Variants in ZC2HC1B observed in about 807,000 individuals in gnomAD.
ZC2HC1B encodes zinc finger C2HC domain-containing protein 1B.
ZC2HC1B carries 36 observed loss-of-function variants against 31.0 expected under a neutral mutation model. That is an observed-to-expected ratio of 1.16 (90% CI 0.89 to 1.54). The LOEUF (loss-of-function observed/expected upper bound fraction) is 1.54, where lower values mean the gene tolerates loss of function less well. Among genes scored for constraint, ZC2HC1B ranks in the 40% most tolerant of loss-of-function variants. The pLI is 0.00. For missense variants in ZC2HC1B, 260 were observed against 268.6 expected, an observed-to-expected ratio of 0.97 and a Z score of 0.22; for synonymous variants, 73 against 88.0, an observed-to-expected ratio of 0.83 and a Z score of 0.95.
rs146547334 is a variant in ZC2HC1B at position 143,870,357 on chromosome 6, C to T, written c.28+5790C>T. On this transcript the variant is annotated intron_variant, in intron 1 of 7. Coordinates refer to ENST00000237275, the MANE Select transcript of ZC2HC1B (RefSeq NM_001013623.3). This position sits in a 1 kb window ranked among gnomAD's most constrained non-coding sequence, Gnocchi z 4.7. ...TGCAGAACCATCTGTGAACCGGGCT[C>T]TAGTCTTCTCTTTTTCTGTCAACTG... is the stretch of plus-strand genomic sequence containing the variant. 2.4e-3 allele frequency among the ~76,000 whole-genome samples: 359 copies of T among 152,238 alleles called. 2 individuals carry two copies. The highest frequency in any genetic ancestry group is 8.3e-3 in the African/African-American group (344 of 41,524).
chr6:143,882,655 G>A (rs1358814293), intron 1 of ZC2HC1B, among the ~76,000 whole-genome samples: 2 of 151,528 alleles, frequency 1.3e-5, no homozygotes, highest in African/African-American at 4.9e-5. Flanking sequence ...TTTCCCTAAG[G>A]ATCATCTCTG....
chr6:143,865,323 A>T lies in ZC2HC1B; in HGVS notation c.28+756A>T, dbSNP rs771759023. On this transcript the variant is annotated intron_variant, in intron 1 of 7. Transcript: ENST00000237275. This position sits in a 1 kb window ranked among gnomAD's most constrained non-coding sequence, Gnocchi z 4.4. Reference sequence around the variant, plus strand: ...GGCAGGATAGGTGCAGCGAAATGTAACTGGCAATACTATCGTGGTAAGTAC... The same window carrying T: ...GGCAGGATAGGTGCAGCGAAATGTATCTGGCAATACTATCGTGGTAAGTAC... Among the ~76,000 whole-genome samples the T allele has an allele frequency of 5.3e-5, 8 of 152,172 alleles. No homozygotes were observed. The highest frequency in any genetic ancestry group is 8.8e-5 in the Non-Finnish European group (6 of 68,030).
chr6:143,872,471 G>C lies in ZC2HC1B; in HGVS notation c.28+7904G>C, dbSNP rs975820352. The stretch of plus-strand genomic sequence containing the variant: ...CAGTAGCTACATCCACCTTGCCTTT[G>C]ATGGCTGAGTGCTGCCACTTGGCCC... On this transcript the variant is annotated intron_variant, in intron 1 of 7. Coordinates refer to ENST00000237275, the MANE Select transcript of ZC2HC1B (RefSeq NM_001013623.3). The surrounding 1 kb of genome is among the most constrained non-coding windows in gnomAD (Gnocchi z 5.5). 1.3e-5 allele frequency among the ~76,000 whole-genome samples: 2 copies of C among 152,202 alleles called. No individual in the cohort carries two copies. Among genetic ancestry groups the C allele is most frequent in the South Asian group, 2.1e-4 (1 of 4,834 alleles).
Position 143,872,180 on chromosome 6 carries a change from G to T in ZC2HC1B, c.28+7613G>T, listed in dbSNP as rs1777349081. Reference sequence around the variant, plus strand: ...GTGTAATGGAGTCCTTTTTCAAGGGGACCCGGCCTCCCCTTCATTCAAGCA... The same window carrying T: ...GTGTAATGGAGTCCTTTTTCAAGGGTACCCGGCCTCCCCTTCATTCAAGCA... On this transcript the variant is annotated intron_variant, in intron 1 of 7. Transcript: ENST00000237275. This position sits in a 1 kb window ranked among gnomAD's most constrained non-coding sequence, Gnocchi z 5.5. 6.6e-6 allele frequency among the ~76,000 whole-genome samples: 1 copy of T among 152,114 alleles called. No individual in the cohort carries two copies. Among genetic ancestry groups the T allele is most frequent in the South Asian group, 2.1e-4 (1 of 4,830 alleles).
chr6:143,900,530 C>T (rs1777724990), intron 5 of ZC2HC1B, among the ~76,000 whole-genome samples: 1 of 152,032 alleles, frequency 6.6e-6, no homozygotes, highest in South Asian at 2.1e-4. Context: ...GAATAAATGC[C>T]CTAAAATCAA....
At chr6:143,928,440 C>T (rs966668944) in intron 6 of ZC2HC1B, among the ~76,000 whole-genome samples, 3 of 152,064 alleles carry the variant, frequency 2.0e-5, no homozygotes, top group Non-Finnish European at 4.4e-5. Flanking sequence ...GGCTTTATTT[C>T]TGGGTCTTCT....
chr6:143,906,747 CT>C (rs34216042), intron 6 of ZC2HC1B, among the ~76,000 whole-genome samples: 67,617 of 146,556 alleles, frequency 0.46, 15,575 homozygotes, highest in African/African-American at 0.55. Flanking sequence ...CCCAGCCCCT[CT>C]TTTTTTTTTT....
chr6:143,896,244 T>C (rs1029327455), intron 4 of ZC2HC1B, among the ~76,000 whole-genome samples: 1 of 152,234 alleles, frequency 6.6e-6, no homozygotes, highest in African/African-American at 2.4e-5. Context: ...ACTTCAACTT[T>C]GCTGTCTCCA....
rs1452768128 is a variant in ZC2HC1B, at chr6:143,908,003, C to T, written c.598+4851C>T. The stretch of plus-strand genomic sequence containing the variant: ...TTTCAATTCTCTGCATATGGCTGGC[C>T]AGTTATCCCAGCACCATTTATTAAA... On this transcript the variant is annotated intron_variant, in intron 6 of 7. Transcript: ENST00000237275. The surrounding 1 kb of genome is among the most constrained non-coding windows in gnomAD (Gnocchi z 4.4). Among the ~76,000 whole-genome samples the T allele has an allele frequency of 6.6e-6, 1 of 152,170 alleles. No homozygotes were observed. Among genetic ancestry groups the T allele is most frequent in the African/African-American group, 2.4e-5 (1 of 41,438 alleles).
intron 5 of ZC2HC1B, among the ~76,000 whole-genome samples, chr6:143,902,368 A>G (rs1220831365): frequency 6.6e-6 from 1 of 152,170 alleles, no homozygotes; most frequent in Non-Finnish European, 1.5e-5. Context: ...CTCTAAAAAT[A>G]GCTTTATTTG....
chr6:143,898,753 G>A, intron 5 of ZC2HC1B, 62 bp downstream of exon 5: 1 of 1,538,030 alleles, frequency 6.5e-7, no homozygotes, highest in Non-Finnish European at 8.8e-7. Flanking sequence ...TGAGCCGGTA[G>A]AACTCCCTAG....
chr6:143,935,580 GT>G (rs755102307), intron 6 of ZC2HC1B, among the ~76,000 whole-genome samples: 1 of 145,300 alleles, frequency 6.9e-6, no homozygotes, highest in Admixed American at 7.0e-5. Context: ...TTGTTGTTGG[GT>G]TTTTTGTTAT....
intron 5 of ZC2HC1B, 96 bp from the exon 6 acceptor site, chr6:143,902,945 TCTG>T (rs1233097416): frequency 9.2e-7 from 1 of 1,091,454 alleles, no homozygotes; most frequent in East Asian, 2.6e-5. Context: ...ATGATACCAT[TCTG>T]CTGCTGGTTA....
At position 143,891,605 on chromosome 6, in the gene ZC2HC1B, G is replaced by A. The variant is rs556440510; in HGVS notation, c.349+4784G>A. 7.3e-5 allele frequency among the ~76,000 whole-genome samples: 11 copies of A among 151,506 alleles called. No homozygotes were observed. The South Asian group carries it at 2.3e-3, about 32-fold the overall frequency. On this transcript the variant is annotated intron_variant, in intron 4 of 7. Coordinates refer to ENST00000237275, the MANE Select transcript of ZC2HC1B (RefSeq NM_001013623.3). The stretch of plus-strand genomic sequence containing the variant: ...TAATCCCTGCTACTCAGGAGACTGA[G>A]GGAGGAGAATCCGGGAGGCAGAGGT...
intron 4 of ZC2HC1B, among the ~76,000 whole-genome samples, chr6:143,889,213 A>G (rs1777568116): frequency 6.6e-6 from 1 of 152,046 alleles, no homozygotes; most frequent in South Asian, 2.1e-4. Flanking sequence ...CCACTAAAAA[A>G]TATTGCTATT....
intron 4 of ZC2HC1B, among the ~76,000 whole-genome samples, chr6:143,893,674 A>C (rs185725233): frequency 5.9e-5 from 9 of 152,142 alleles, no homozygotes; most frequent in Non-Finnish European, 1.3e-4. Flanking sequence ...ACCATTTTGC[A>C]CTGGTATTTT....
rs1330226685 is a variant in ZC2HC1B at position 143,903,484 on chromosome 6, T to G, written c.598+332T>G. ...TTGTGTTGAAAATAAGGGGAAAGTTTCTTTTCTAGAAATAAATACAGATCC... is the reference window on the plus strand; with the variant it reads ...TTGTGTTGAAAATAAGGGGAAAGTTGCTTTTCTAGAAATAAATACAGATCC... On this transcript the variant is annotated intron_variant, in intron 6 of 7. Coordinates refer to ENST00000237275, the MANE Select transcript of ZC2HC1B (RefSeq NM_001013623.3). The surrounding 1 kb of genome is among the most constrained non-coding windows in gnomAD (Gnocchi z 4.3). 6.6e-6 allele frequency among the ~76,000 whole-genome samples: 1 copy of G among 152,348 alleles called. No homozygotes were observed. The highest frequency in any genetic ancestry group is 1.9e-4 in the East Asian group (1 of 5,190).
At chr6:143,882,890 CCTT>C (rs1246725809) in intron 1 of ZC2HC1B, among the ~76,000 whole-genome samples, 1 of 152,168 alleles carries the variant, frequency 6.6e-6, no homozygotes, top group African/African-American at 2.4e-5. Context: ...TCTTCTCAGT[CCTT>C]CTGCCTCTAA....
At chr6:143,891,152 T>C (rs139993403) in intron 4 of ZC2HC1B, among the ~76,000 whole-genome samples, 83 of 151,234 alleles carry the variant, frequency 5.5e-4, no homozygotes, top group Admixed American at 1.3e-3. Context: ...AAAAGAAATT[T>C]AATAAATTTA....
Sources: allele counts gnomAD v4.1 joint callset (sites outside exome capture counted in the v4.1 genomes callset), GRCh38; gene constraint gnomAD v4.1.1; non-coding constraint Gnocchi (gnomAD v3.1); transcripts MANE v1.5; gene names NCBI Gene and HGNC (gene_info 2026-07-23, HGNC 2026-07-21).